Variants in ARHGEF38 observed in about 807,000 individuals in gnomAD.
The protein encoded by ARHGEF38 is Rho guanine nucleotide exchange factor (GEF) 38.
Under a neutral mutation model 79.9 loss-of-function variants are expected in ARHGEF38, and 79 were observed. The observed-to-expected ratio is 0.99, with a 90% CI of 0.82 to 1.19. The LOEUF (loss-of-function observed/expected upper bound fraction) is 1.19. ARHGEF38 is among the 50% of genes most tolerant of loss of function. ARHGEF38 has a pLI of 0.00. For synonymous variants in ARHGEF38, 366 were observed against 328.3 expected, an observed-to-expected ratio of 1.11 and a Z score of -1.24; for missense variants, 962 against 907.2, an observed-to-expected ratio of 1.06 and a Z score of -0.78.
chr4:105,566,193 C>T (rs1267198899), intron 1 of ARHGEF38, among the ~76,000 whole-genome samples: 1 of 152,214 alleles, frequency 6.6e-6, no homozygotes, highest in Non-Finnish European at 1.5e-5. Context: ...ATCACTTGTA[C>T]TTCAGCTGCA....
At chr4:105,607,670 G>T (rs910659718) in intron 2 of ARHGEF38, among the ~76,000 whole-genome samples, 1 of 152,014 alleles carries the variant, frequency 6.6e-6, no homozygotes, top group African/African-American at 2.4e-5. Context: ...TTCTAACTAA[G>T]GAACAGGAAA....
intron 1 of ARHGEF38, among the ~76,000 whole-genome samples, chr4:105,570,797 C>T (rs28534713): frequency 0.11 from 16,427 of 152,118 alleles, 938 homozygotes; most frequent in Middle Eastern, 0.17. Context: ...CACAATGGAG[C>T]ATCATCAGCC....
intron 5 of ARHGEF38, among the ~76,000 whole-genome samples, chr4:105,638,155 T>G (rs911213563): frequency 6.6e-6 from 1 of 152,194 alleles, no homozygotes; most frequent in Non-Finnish European, 1.5e-5. Context: ...GAGTACAAGA[T>G]GTGGGTTTTT....
In ARHGEF38 at chr4:105,645,207, G is replaced by A; in HGVS notation, c.694G>A (p.Asp232Asn). The change falls in exon 6 of 14, where the codon GAC becomes AAC. Residue 232 changes from aspartate (D) to asparagine (N), a missense_variant. By Grantham distance (23) the Asp-to-Asn change is conservative. Transcript: ENST00000420470. The part of the protein sequence containing the change: ...YMQEGKPNLL[D>N]MGSLMIKPIQ... ...TTGTAGAGGCAAACCAAACTTATTG[G>A]ACATGGGCTCTTTGATGATCAAACC... 6.6e-7 allele frequency: 1 copy of A among 1,525,358 alleles called. No individual in the cohort carries two copies. The highest frequency in any genetic ancestry group is 2.5e-5 in the East Asian group (1 of 40,742). 94.5% of individuals were successfully genotyped at this position (1,525,358 alleles called of 1,614,324 possible).
intron 6 of ARHGEF38, 55 bp downstream of exon 6, chr4:105,645,442 T>C (rs1227587326): frequency 7.3e-7 from 1 of 1,375,556 alleles, no homozygotes; most frequent in Admixed American, 2.6e-5. Context: ...GTTTGCTTTA[T>C]GTTTCTGAGA....
chr4:105,591,975 C>T (rs1265493838), intron 2 of ARHGEF38, among the ~76,000 whole-genome samples: 1 of 152,126 alleles, frequency 6.6e-6, no homozygotes, highest in Non-Finnish European at 1.5e-5. Context: ...AACTGCTATT[C>T]TGGCAGATAT....
chr4:105,660,526 A>G (rs1578357502), intron 10 of ARHGEF38, among the ~76,000 whole-genome samples: 1 of 149,836 alleles, frequency 6.7e-6, no homozygotes, highest in Admixed American at 6.7e-5. Context: ...TGCAACCTCC[A>G]CCTTCCGGGT....
intron 6 of ARHGEF38, among the ~76,000 whole-genome samples, chr4:105,646,619 T>G (rs1020819613): frequency 6.6e-6 from 1 of 152,202 alleles, no homozygotes; most frequent in Non-Finnish European, 1.5e-5. Context: ...AATGAATTTC[T>G]AAGTATTTGC....
chr4:105,639,426 T>C (rs1412076144), intron 5 of ARHGEF38, among the ~76,000 whole-genome samples: 1 of 152,030 alleles, frequency 6.6e-6, no homozygotes, highest in East Asian at 1.9e-4. Flanking sequence ...ACTGTGCCTT[T>C]CAGATTTTGT....
intron 1 of ARHGEF38, among the ~76,000 whole-genome samples, chr4:105,555,640 G>A (rs918560266): frequency 1.3e-5 from 2 of 152,094 alleles, no homozygotes; most frequent in African/African-American, 4.8e-5. Flanking sequence ...GTCAAAGAGT[G>A]CTTTCAAATA....
chr4:105,577,574 T>G (rs886166137), intron 1 of ARHGEF38, among the ~76,000 whole-genome samples: 29 of 152,008 alleles, frequency 1.9e-4, no homozygotes, highest in African/African-American at 6.3e-4. Flanking sequence ...GTTGTTGTTG[T>G]TGGCAAATTT....
intron 3 of ARHGEF38, among the ~76,000 whole-genome samples, chr4:105,614,786 T>A (rs965176014): frequency 2.6e-5 from 4 of 152,200 alleles, no homozygotes; most frequent in African/African-American, 9.6e-5. Flanking sequence ...AGTTATGAAG[T>A]AGCAGCATAT....
At chr4:105,668,520 C>A (rs1730840519) in intron 13 of ARHGEF38, among the ~76,000 whole-genome samples, 1 of 152,106 alleles carries the variant, frequency 6.6e-6, no homozygotes, top group South Asian at 2.1e-4. Flanking sequence ...TTTGCTATAT[C>A]AGAAAGGTTC....
chr4:105,595,813 AATAATGAT>A lies in ARHGEF38; in HGVS notation c.384+6380_384+6387del, dbSNP rs144403147. Among the ~76,000 whole-genome samples the A allele has an allele frequency of 6.0e-3, 908 of 152,324 alleles. 7 individuals carry two copies. The highest frequency in any genetic ancestry group is 0.021 in the African/African-American group (877 of 41,580). The stretch of plus-strand genomic sequence containing the variant: ...TGTTGTTATACTATATTGTTTAGGG[AATAATGAT>A]AAGAAAGAGAGTCTGTTCAATACAG... On this transcript the variant is annotated intron_variant, in intron 2 of 13. Coordinates refer to ENST00000420470, the MANE Select transcript of ARHGEF38 (RefSeq NM_001242729.2).
At chr4:105,596,784 G>A (rs557077912) in intron 2 of ARHGEF38, among the ~76,000 whole-genome samples, 68 of 152,218 alleles carry the variant, frequency 4.5e-4, no homozygotes, top group Non-Finnish European at 5.0e-4. Flanking sequence ...CCTCTCTTCC[G>A]ATGTTTTTAG....
At chr4:105,572,833 A>T (rs1726304036) in intron 1 of ARHGEF38, among the ~76,000 whole-genome samples, 2 of 152,190 alleles carry the variant, frequency 1.3e-5, no homozygotes, top group Admixed American at 6.5e-5. Flanking sequence ...ATTGAGAATA[A>T]TGCAATCCTA....
At chr4:105,585,040 C>G (rs898745367) in intron 1 of ARHGEF38, among the ~76,000 whole-genome samples, 1 of 152,150 alleles carries the variant, frequency 6.6e-6, no homozygotes, top group African/African-American at 2.4e-5. Context: ...CTTCCTCTTC[C>G]AACTGAACTA....
At chr4:105,574,755 C>T (rs1010714329) in intron 1 of ARHGEF38, among the ~76,000 whole-genome samples, 2 of 151,856 alleles carry the variant, frequency 1.3e-5, no homozygotes, top group Non-Finnish European at 2.9e-5. Flanking sequence ...TTTTGGGGTA[C>T]AAGTCTTTTT....
rs554919931 is a variant in ARHGEF38 at position 105,669,872 on chromosome 4, G to A, written c.2148+2169G>A. On this transcript the variant is annotated intron_variant, in intron 13 of 13. Transcript: ENST00000420470. ...TACATTTGCCTTTTCTGTATCTTTTGTATAAACAAAATTGTACAATATGTG... is the reference window on the plus strand; with the variant it reads ...TACATTTGCCTTTTCTGTATCTTTTATATAAACAAAATTGTACAATATGTG... 3.3e-5 allele frequency among the ~76,000 whole-genome samples: 5 copies of A among 151,996 alleles called. No individual in the cohort carries two copies. The East Asian group carries it at 9.7e-4, about 29-fold the overall frequency.
Sources: gnomAD v4.1 joint callset for allele counts (sites outside exome capture counted in the v4.1 genomes callset) on GRCh38, gnomAD v4.1.1 for gene constraint, MANE v1.5 for transcripts, NCBI Gene and HGNC (gene_info 2026-07-23, HGNC 2026-07-21) for gene names.